CDC42BPA: variants seen among roughly 807,000 people sequenced by gnomAD.
CDC42BPA encodes CDC42 binding protein kinase alpha.
In CDC42BPA, 80 loss-of-function variants were observed where a neutral mutation model predicts 223.5. The ratio of observed to expected loss-of-function variants is 0.36; its 90% CI spans 0.30 to 0.43. The LOEUF is 0.43. Among genes scored for constraint, CDC42BPA ranks in the 20% least tolerant of loss-of-function variants. CDC42BPA has a pLI of 1.00. For synonymous variants in CDC42BPA, 694 were observed against 718.6 expected, an observed-to-expected ratio of 0.97 and a Z score of 0.55; for missense variants, 1,743 against 2,099.9, an observed-to-expected ratio of 0.83 and a Z score of 3.32.
chr1:227,023,447 A>C, intron 31 of CDC42BPA, 100 bp from the exon 32 acceptor site: 3 of 543,842 alleles, frequency 5.5e-6, no homozygotes, highest in Non-Finnish European at 6.3e-6. Flanking sequence ...AAGACTTCTC[A>C]TTTATCTACT....
rs74816867 is a variant in CDC42BPA, at chr1:227,088,483, T to A, written c.2355+3403A>T. ...TTGCAATTATGTAATAATAAGGATA[T>A]ACCTGGAAAGGAACATACAAAATTA... On this transcript the variant is annotated intron_variant, in intron 16 of 36. Transcript: ENST00000366766. Among the ~76,000 whole-genome samples, 412 of 152,304 alleles carry A rather than the reference T, an allele frequency of 2.7e-3. 11 individuals carry two copies. The East Asian group carries it at 0.051, about 19-fold the overall frequency.
chr1:227,089,326 A>G (rs1389681789), intron 16 of CDC42BPA, among the ~76,000 whole-genome samples: 1 of 152,222 alleles, frequency 6.6e-6, no homozygotes, highest in African/African-American at 2.4e-5. Flanking sequence ...TTGGAAAATG[A>G]ATAAATGGAA....
At position 227,016,084 on chromosome 1, in the gene CDC42BPA, G is replaced by A. The variant is rs754496353; in HGVS notation, c.4853C>T (p.Pro1618Leu). The part of the protein sequence containing the change: ...GDGIQILKDL[P>L]MNPRPQESRT... ...CTCACTCTTAATTCCTCTTACCATG[G>A]GCAGATCTTTCAGGATCTGTATTCC... The change falls in exon 34 of 37, where the codon CCC becomes CTC. Residue 1618 changes from proline (P) to leucine (L), a missense_variant. Pro to Leu is a moderately conservative substitution (Grantham distance 98). This residue lies in a region of CDC42BPA where 200 missense variants were observed against 192.8 expected (regional missense o/e 1.04). Transcript: ENST00000366766. 1.3e-6 allele frequency: 2 copies of A among 1,543,588 alleles called. No individual in the cohort carries two copies. The highest frequency in any genetic ancestry group is 1.7e-5 in the Admixed American group (1 of 59,716).
At chr1:227,115,535 A>C (rs1687638547) in intron 12 of CDC42BPA, among the ~76,000 whole-genome samples, 1 of 151,928 alleles carries the variant, frequency 6.6e-6, no homozygotes, top group South Asian at 2.1e-4. Flanking sequence ...AAAATAGTGA[A>C]TATAAAGACG....
intron 9 of CDC42BPA, among the ~76,000 whole-genome samples, chr1:227,140,249 TATTCC>T (rs2149613766): frequency 6.6e-6 from 1 of 152,298 alleles, no homozygotes; most frequent in African/African-American, 2.4e-5. Flanking sequence ...ATAGAGCTTA[TATTCC>T]AGTGACTGAG....
At chr1:227,004,891 A>G in intron 35 of CDC42BPA, 103 bp downstream of exon 35, 1 of 830,708 alleles carries the variant, frequency 1.2e-6, no homozygotes, top group South Asian at 1.3e-5. Flanking sequence ...TGAGAATGCA[A>G]TGGGCACACG....
At chr1:227,193,725 G>A in intron 5 of CDC42BPA, 61 bp downstream of exon 5, 1 of 1,239,618 alleles carries the variant, frequency 8.1e-7, no homozygotes, top group Non-Finnish European at 1.1e-6. Context: ...CAAGAAATAG[G>A]CCTCTGTTGC....
intron 21 of CDC42BPA, among the ~76,000 whole-genome samples, chr1:227,053,419 T>TG (rs1673939141): frequency 6.6e-6 from 1 of 152,028 alleles, no homozygotes; most frequent in Non-Finnish European, 1.5e-5. Flanking sequence ...AGAAGAAGGG[T>TG]GAAGGCATTA....
intron 2 of CDC42BPA, among the ~76,000 whole-genome samples, chr1:227,221,388 T>C (rs1314846859): frequency 1.3e-5 from 2 of 152,188 alleles, no homozygotes; most frequent in South Asian, 2.1e-4. Context: ...GTCATCTCTC[T>C]AGCATGTTCA....
At chr1:227,177,897 C>T (rs1292615233) in intron 5 of CDC42BPA, among the ~76,000 whole-genome samples, 1 of 152,004 alleles carries the variant, frequency 6.6e-6, no homozygotes, top group Non-Finnish European at 1.5e-5. Context: ...TTTGAATATA[C>T]TTTATTCCTA....
chr1:227,072,340 A>T, intron 19 of CDC42BPA, 41 bp from the exon 20 acceptor site: 1 of 1,229,640 alleles, frequency 8.1e-7, no homozygotes, highest in East Asian at 2.3e-5. Context: ...ATTAATTTTT[A>T]TTGCTGGTTA....
intron 3 of CDC42BPA, among the ~76,000 whole-genome samples, chr1:227,201,311 A>G (rs1671714262): frequency 6.6e-6 from 1 of 151,870 alleles, no homozygotes; most frequent in African/African-American, 2.4e-5. Flanking sequence ...ATGCCCAGCT[A>G]ATTTTTTTTA....
At chr1:227,109,991 C>G (rs981215695) in intron 14 of CDC42BPA, among the ~76,000 whole-genome samples, 1 of 152,074 alleles carries the variant, frequency 6.6e-6, no homozygotes, top group Non-Finnish European at 1.5e-5. Flanking sequence ...TGTACATGTT[C>G]GGTACAAATG....
At chr1:227,218,804 G>T (rs553603746) in intron 2 of CDC42BPA, among the ~76,000 whole-genome samples, 3 of 152,100 alleles carry the variant, frequency 2.0e-5, no homozygotes, top group African/African-American at 7.2e-5. Flanking sequence ...TTCTGTGAGC[G>T]ACCAATTTGT....
chr1:227,312,077 A>G lies in CDC42BPA; in HGVS notation c.178+4928T>C, dbSNP rs889384010. The stretch of plus-strand genomic sequence containing the variant: ...TAAGAAATATGGGAATAAGGACTAC[A>G]GGAAAACACAATGTTTTGCACAACA... On this transcript the variant is annotated intron_variant, in intron 1 of 36. Coordinates refer to ENST00000366766, the MANE Select transcript of CDC42BPA (RefSeq NM_001394014.1). Among the ~76,000 whole-genome samples the G allele has an allele frequency of 9.2e-5, 14 of 152,266 alleles. 1 individual carries two copies. Among genetic ancestry groups the G allele is most frequent in the Admixed American group, 7.9e-4 (12 of 15,284 alleles).
At chr1:227,191,565 T>A (rs972985145) in intron 5 of CDC42BPA, among the ~76,000 whole-genome samples, 1 of 152,172 alleles carries the variant, frequency 6.6e-6, no homozygotes, top group Admixed American at 6.5e-5. Flanking sequence ...ATATTTACTT[T>A]CACCAATCTA....
chr1:227,165,253 A>T (rs997109439), intron 5 of CDC42BPA, among the ~76,000 whole-genome samples: 5 of 152,216 alleles, frequency 3.3e-5, no homozygotes, highest in African/African-American at 1.2e-4. Flanking sequence ...AAGAAAAGAC[A>T]ATGGAAGATG....
At chr1:227,315,986 C>A (rs1159089689) in intron 1 of CDC42BPA, among the ~76,000 whole-genome samples, 2 of 112,920 alleles carry the variant, frequency 1.8e-5, no homozygotes, top group Non-Finnish European at 3.8e-5. Context: ...ACACAATCAG[C>A]ACTTGACTTT....
Position 227,112,332 on chromosome 1 carries a change from T to G in CDC42BPA, c.1981A>C (p.Asn661His). ...GATACCTTCAGTCCCTCCAATTCATTTTCCAGTTGCTTAGAATAGTGCTCA... is the reference window on the plus strand; with the variant it reads ...GATACCTTCAGTCCCTCCAATTCATGTTCCAGTTGCTTAGAATAGTGCTCA... ...QSEHYSKQLE[N>H]ELEGLKQKQI... The change falls in exon 14 of 37, where the codon AAT becomes CAT. Residue 661 changes from asparagine (N) to histidine (H), a missense_variant. Asn to His is a moderately conservative substitution (Grantham distance 68, BLOSUM62 1). Coordinates refer to ENST00000366766, the MANE Select transcript of CDC42BPA (RefSeq NM_001394014.1). 6.3e-7 allele frequency: 1 copy of G among 1,593,376 alleles called. No individual in the cohort carries two copies. Among genetic ancestry groups the G allele is most frequent in the Non-Finnish European group, 8.6e-7 (1 of 1,169,300 alleles).
Sources: gnomAD v4.1 joint callset for allele counts (sites outside exome capture counted in the v4.1 genomes callset) on GRCh38, gnomAD v4.1.1 for gene constraint, gnomAD v4.1.1 regional missense constraint, MANE v1.5 for transcripts, NCBI Gene and HGNC (gene_info 2026-07-23, HGNC 2026-07-21) for gene names.